MAD1L1: variants seen among roughly 807,000 people sequenced by gnomAD.
MAD1L1 encodes the protein mitotic arrest deficient 1 like 1, also known as mitotic spindle assembly checkpoint protein MAD1.
In MAD1L1, 95 loss-of-function variants were observed where a neutral mutation model predicts 96.9. That is an observed-to-expected ratio of 0.98 (90% CI 0.83 to 1.16). The LOEUF (loss-of-function observed/expected upper bound fraction) is 1.16. Ranked by LOEUF, MAD1L1 falls within the 50% of genes most tolerant of loss-of-function variation. The probability of loss-of-function intolerance (pLI) is 0.00; values close to 1 mark genes in which losing one functional copy is unlikely to be tolerated. For missense variants in MAD1L1, 1,007 were observed against 954.4 expected, an observed-to-expected ratio of 1.06 and a Z score of -0.73; for synonymous variants, 473 against 396.6, an observed-to-expected ratio of 1.19 and a Z score of -2.29.
chr7:1,906,235 C>T (rs73048140), intron 17 of MAD1L1, among the ~76,000 whole-genome samples: 1 of 152,124 alleles, frequency 6.6e-6, no homozygotes, highest in Non-Finnish European at 1.5e-5. Flanking sequence ...GAACCCCAAG[C>T]AGCCTCTTCC....
chr7:2,085,060 C>T (rs1386347062), intron 11 of MAD1L1, among the ~76,000 whole-genome samples: 3 of 152,180 alleles, frequency 2.0e-5, no homozygotes, highest in African/African-American at 7.2e-5. Context: ...TGCTAAAGGG[C>T]CAGCAGTCAG....
intron 10 of MAD1L1, among the ~76,000 whole-genome samples, chr7:2,205,612 G>C (rs984620563): frequency 6.6e-6 from 1 of 152,156 alleles, no homozygotes; most frequent in Non-Finnish European, 1.5e-5. Flanking sequence ...TTCTCAGGGA[G>C]ACAGATGTGA....
At chr7:2,136,723 G>A (rs964732428) in intron 11 of MAD1L1, among the ~76,000 whole-genome samples, 15 of 152,170 alleles carry the variant, frequency 9.9e-5, no homozygotes, top group African/African-American at 3.6e-4. Context: ...GGCCATGGTG[G>A]GAGGGCCTGA....
At chr7:2,121,407 G>A (rs183276352) in intron 11 of MAD1L1, among the ~76,000 whole-genome samples, 3 of 152,342 alleles carry the variant, frequency 2.0e-5, no homozygotes, top group Admixed American at 6.5e-5. Flanking sequence ...GGTCCAGCTG[G>A]AGCCTCCCGG....
At chr7:1,837,082 T>C (rs1467146716) in intron 18 of MAD1L1, among the ~76,000 whole-genome samples, 3 of 152,224 alleles carry the variant, frequency 2.0e-5, no homozygotes, top group Non-Finnish European at 4.4e-5. Context: ...ATGAAGGATT[T>C]GCATCTGGAG....
intron 10 of MAD1L1, among the ~76,000 whole-genome samples, chr7:2,168,173 T>A (rs545818584): frequency 2.0e-5 from 3 of 152,030 alleles, no homozygotes; most frequent in Non-Finnish European, 4.4e-5. Context: ...TAGTCCCAGC[T>A]ACTCGGGAGG....
At chr7:1,960,290 G>C (rs1042878053) in intron 15 of MAD1L1, among the ~76,000 whole-genome samples, 2 of 148,562 alleles carry the variant, frequency 1.3e-5, no homozygotes, top group African/African-American at 4.9e-5. Context: ...AGAGACAGAT[G>C]AGTAGAAAAC....
intron 11 of MAD1L1, among the ~76,000 whole-genome samples, chr7:2,104,077 G>A (rs56055755): frequency 5.6e-4 from 85 of 152,318 alleles, no homozygotes; most frequent in Middle Eastern, 3.4e-3. Context: ...AGAGCTCTCC[G>A]GGCCAACTGC....
intron 16 of MAD1L1, among the ~76,000 whole-genome samples, chr7:1,943,368 C>T (rs2128467743): frequency 6.6e-6 from 1 of 152,318 alleles, no homozygotes; most frequent in South Asian, 2.1e-4. Context: ...ACCCGAAGAA[C>T]TTACACCTCA....
chr7:1,866,577 C>A (rs1695364334), intron 18 of MAD1L1, among the ~76,000 whole-genome samples: 1 of 152,198 alleles, frequency 6.6e-6, no homozygotes, highest in Admixed American at 6.5e-5. Context: ...GGGAGCGCTA[C>A]AGAGAAGCTG....
chr7:2,053,904 C>T (rs1038340062), intron 12 of MAD1L1, among the ~76,000 whole-genome samples: 1 of 152,242 alleles, frequency 6.6e-6, no homozygotes, highest in African/African-American at 2.4e-5. Context: ...CACGGAGACC[C>T]GAGGAGACAG....
intron 18 of MAD1L1, among the ~76,000 whole-genome samples, chr7:1,853,443 C>T (rs1447901828): frequency 6.6e-6 from 1 of 152,178 alleles, no homozygotes; most frequent in Non-Finnish European, 1.5e-5. Context: ...CACGCTCAGC[C>T]CGGTCAGGCA....
At chr7:2,078,966 C>T (rs1315500667) in intron 11 of MAD1L1, among the ~76,000 whole-genome samples, 1 of 152,220 alleles carries the variant, frequency 6.6e-6, no homozygotes, top group Non-Finnish European at 1.5e-5. Context: ...GGAGATGCCC[C>T]AGTCGGGCCA....
chr7:1,983,219 C>T (rs1781007342), intron 14 of MAD1L1, among the ~76,000 whole-genome samples: 1 of 151,730 alleles, frequency 6.6e-6, no homozygotes, highest in Admixed American at 6.6e-5. Flanking sequence ...TTGTTGGTGT[C>T]AATACAACAC....
chr7:2,183,740 C>A (rs945920582), intron 10 of MAD1L1, among the ~76,000 whole-genome samples: 3 of 148,664 alleles, frequency 2.0e-5, no homozygotes, highest in East Asian at 4.3e-4. Flanking sequence ...CATCACACAC[C>A]GGGGACTGTC....
intron 12 of MAD1L1, among the ~76,000 whole-genome samples, chr7:2,045,132 G>A (rs888258425): frequency 6.6e-6 from 1 of 152,168 alleles, no homozygotes; most frequent in South Asian, 2.1e-4. Context: ...GGCCAGAAAG[G>A]ACATGAAAGG....
At chr7:2,079,153 G>A (rs139426264) in intron 11 of MAD1L1, among the ~76,000 whole-genome samples, 157 of 152,332 alleles carry the variant, frequency 1.0e-3, no homozygotes, top group African/African-American at 3.4e-3. Flanking sequence ...CCGGGCAGCC[G>A]CACTCAGTGG....
chr7:1,858,502 C>G (rs1376561576), intron 18 of MAD1L1, among the ~76,000 whole-genome samples: 2 of 152,212 alleles, frequency 1.3e-5, no homozygotes, highest in East Asian at 1.9e-4. Context: ...ATGTGGTGCC[C>G]CCACCTCTGC....
chr7:1,825,746 G>C (rs1782353309), intron 18 of MAD1L1, among the ~76,000 whole-genome samples: 1 of 152,242 alleles, frequency 6.6e-6, no homozygotes, highest in Non-Finnish European at 1.5e-5. Context: ...TGAAGGCCTT[G>C]GACCATGGCA....
Sources: gnomAD v4.1 joint callset for allele counts (sites outside exome capture counted in the v4.1 genomes callset) on GRCh38, gnomAD v4.1.1 for gene constraint, MANE v1.5 for transcripts, NCBI Gene and HGNC (gene_info 2026-07-23, HGNC 2026-07-21) for gene names.